Variants in NOS1AP observed in about 807,000 individuals in gnomAD.
NOS1AP encodes nitric oxide synthase 1 adaptor protein.
Under a neutral mutation model 56.2 loss-of-function variants are expected in NOS1AP, and 21 were observed. The observed-to-expected ratio is 0.37, with a 90% CI of 0.26 to 0.54. The LOEUF (loss-of-function observed/expected upper bound fraction) is 0.54, where lower values mean the gene tolerates loss of function less well. Ranked by LOEUF, NOS1AP falls within the 20% of genes least tolerant of loss-of-function variation. The probability of loss-of-function intolerance (pLI) is 0.84; values close to 1 mark genes in which losing one functional copy is unlikely to be tolerated. For synonymous variants in NOS1AP, 270 were observed against 274.6 expected (o/e 0.98, Z 0.17); for missense variants, 522 against 657.8 (o/e 0.79, Z 2.26).
rs1469010470 is a variant in NOS1AP at position 162,301,359 on chromosome 1, A to G, written c.344+653A>G. Reference sequence around the variant, plus strand: ...AGCCCCATGGTGATGTCCTTCCCCTATGGGAAGACACAGCTAGAAGGTGGG... The same window carrying G: ...AGCCCCATGGTGATGTCCTTCCCCTGTGGGAAGACACAGCTAGAAGGTGGG... On this transcript the variant is annotated intron_variant, in intron 4 of 9. Coordinates refer to ENST00000361897, the MANE Select transcript of NOS1AP (RefSeq NM_014697.3). 7.2e-5 allele frequency among the ~76,000 whole-genome samples: 11 copies of G among 152,194 alleles called. 1 individual carries two copies. Among genetic ancestry groups the G allele is most frequent in the Admixed American group, 5.9e-4 (9 of 15,284 alleles).
intron 1 of NOS1AP, among the ~76,000 whole-genome samples, chr1:162,114,430 CTGAT>C (rs1397135066): frequency 1.3e-5 from 2 of 152,100 alleles, no homozygotes; most frequent in Non-Finnish European, 2.9e-5. Flanking sequence ...GGCCTTTTGA[CTGAT>C]TGAATCAGGC....
intron 2 of NOS1AP, among the ~76,000 whole-genome samples, chr1:162,196,753 A>G (rs1195504178): frequency 6.6e-6 from 1 of 152,242 alleles, no homozygotes; most frequent in Non-Finnish European, 1.5e-5. Flanking sequence ...TATTATAAAT[A>G]TTTAAATAAT....
At chr1:162,095,961 T>C (rs1166481390) in intron 1 of NOS1AP, among the ~76,000 whole-genome samples, 1 of 152,244 alleles carries the variant, frequency 6.6e-6, no homozygotes, top group Non-Finnish European at 1.5e-5. Flanking sequence ...GAGCTTGCTT[T>C]TGCTCTCCTC....
intron 1 of NOS1AP, among the ~76,000 whole-genome samples, chr1:162,115,358 T>C (rs925684014): frequency 1.3e-5 from 2 of 152,064 alleles, no homozygotes; most frequent in Non-Finnish European, 2.9e-5. Context: ...TATGTGATGA[T>C]GGGTAAATTA....
chr1:162,356,925 C>T, intron 7 of NOS1AP, 35 bp from the exon 8 acceptor site: 1 of 1,613,762 alleles, frequency 6.2e-7, no homozygotes, highest in Non-Finnish European at 8.5e-7. Flanking sequence ...TGGCTCCTGC[C>T]ACATGTCATG....
chr1:162,256,267 G>C (rs776681609), intron 2 of NOS1AP, among the ~76,000 whole-genome samples: 1 of 152,204 alleles, frequency 6.6e-6, no homozygotes, highest in Non-Finnish European at 1.5e-5. Context: ...CATTATTACA[G>C]AGTGTCTGAA....
intron 4 of NOS1AP, among the ~76,000 whole-genome samples, chr1:162,315,394 C>T (rs990577983): frequency 6.6e-6 from 1 of 152,214 alleles, no homozygotes; most frequent in Non-Finnish European, 1.5e-5. Flanking sequence ...AGTGCCCTGT[C>T]CTCTGGCCTG....
chr1:162,273,160 C>CTTTTTTT lies in NOS1AP; in HGVS notation c.178-14169_178-14163dup, dbSNP rs11429407. Among the ~76,000 whole-genome samples, 29 of 106,196 alleles carry CTTTTTTT rather than the reference C, an allele frequency of 2.7e-4. 3 individuals carry two copies. Among genetic ancestry groups the CTTTTTTT allele is most frequent in the Non-Finnish European group, 4.4e-4 (25 of 56,782 alleles). The allele number at this position is 106,196 out of a possible 152,430, so 69.7% of individuals were successfully genotyped here. On this transcript the variant is annotated intron_variant, in intron 2 of 9. Coordinates refer to ENST00000361897, the MANE Select transcript of NOS1AP (RefSeq NM_014697.3). ...CAGGACAACTCTGGAAGCCCTTGTTCTTTTTTTTTTTTTTTTTTTTTGAGA... is the reference window on the plus strand; with the variant it reads ...CAGGACAACTCTGGAAGCCCTTGTTCTTTTTTTTTTTTTTTTTTTTTTTTTTTTGAGA...
At chr1:162,208,704 T>A (rs552939745) in intron 2 of NOS1AP, among the ~76,000 whole-genome samples, 1 of 152,180 alleles carries the variant, frequency 6.6e-6, no homozygotes, top group East Asian at 1.9e-4. Context: ...CTGAGAACCA[T>A]TGATTAATTG....
At chr1:162,181,149 CA>C (rs1651243765) in intron 2 of NOS1AP, among the ~76,000 whole-genome samples, 1 of 152,138 alleles carries the variant, frequency 6.6e-6, no homozygotes, top group Non-Finnish European at 1.5e-5. Context: ...ACTTAACAGA[CA>C]AAAGAGGACT....
chr1:162,283,646 G>A (rs146197442), intron 2 of NOS1AP, among the ~76,000 whole-genome samples: 33 of 152,244 alleles, frequency 2.2e-4, no homozygotes, highest in African/African-American at 6.7e-4. Flanking sequence ...TGACTGGCAC[G>A]GCACATTAAG....
At chr1:162,242,421 C>A (rs1289466059) in intron 2 of NOS1AP, among the ~76,000 whole-genome samples, 1 of 152,194 alleles carries the variant, frequency 6.6e-6, no homozygotes, top group Non-Finnish European at 1.5e-5. Flanking sequence ...AGAAAGAAGT[C>A]CAACTAGCCT....
At position 162,318,342 on chromosome 1, in the gene NOS1AP, T is replaced by C. The variant is rs1229584778; in HGVS notation, c.345-14675T>C. Among the ~76,000 whole-genome samples, 3 of 152,194 alleles carry C rather than the reference T, an allele frequency of 2.0e-5. No homozygotes were observed. The East Asian group carries it at 5.8e-4, about 29-fold the overall frequency. ...CCATTCACTTTTCAGCTCATTTTAATTGGGCTTCCTGAGCTACTCTACTGA... is the reference window on the plus strand; with the variant it reads ...CCATTCACTTTTCAGCTCATTTTAACTGGGCTTCCTGAGCTACTCTACTGA... On this transcript the variant is annotated intron_variant, in intron 4 of 9. Coordinates refer to ENST00000361897, the MANE Select transcript of NOS1AP (RefSeq NM_014697.3).
In NOS1AP at chr1:162,315,589, A is replaced by G. The variant is rs78096198; in HGVS notation, c.344+14883A>G. ...GAGGGTTAAGCACAGAATTTGGGAA[A>G]GATGGAGTGGAAAAAGCTGGGTTAT... On this transcript the variant is annotated intron_variant, in intron 4 of 9. Transcript: ENST00000361897. Among the ~76,000 whole-genome samples the G allele has an allele frequency of 3.4e-3, 514 of 152,322 alleles. 3 individuals carry two copies. Among genetic ancestry groups the G allele is most frequent in the African/African-American group, 0.012 (490 of 41,572 alleles).
At chr1:162,131,519 G>T (rs1648745926) in intron 1 of NOS1AP, among the ~76,000 whole-genome samples, 1 of 151,648 alleles carries the variant, frequency 6.6e-6, no homozygotes, top group South Asian at 2.1e-4. Flanking sequence ...TGTGGGCCAG[G>T]AATAGTTAAG....
At chr1:162,303,904 C>CTTTTTTTTTTTTTTTTTTTTTT (rs35658165) in intron 4 of NOS1AP, among the ~76,000 whole-genome samples, 3 of 110,724 alleles carry the variant, frequency 2.7e-5, no homozygotes, top group Non-Finnish European at 5.5e-5. Context: ...TCTGGCTTGT[C>CTTTTTTTTTTTTTTTTTTTTTT]TTTTTTTTTT....
rs550702214 is a variant in NOS1AP at position 162,227,248 on chromosome 1, C to T, written c.178-60096C>T. 3.9e-5 allele frequency among the ~76,000 whole-genome samples: 6 copies of T among 152,252 alleles called. No homozygotes were observed. The South Asian group carries it at 1.2e-3, about 32-fold the overall frequency. ...TATACAAAAACATAAATTTTTCACA[C>T]ATATGAGCATTTTTAGTATTTAAGA... On this transcript the variant is annotated intron_variant, in intron 2 of 9. Transcript: ENST00000361897.
chr1:162,246,480 T>C (rs1324084765), intron 2 of NOS1AP, among the ~76,000 whole-genome samples: 2 of 152,210 alleles, frequency 1.3e-5, no homozygotes, highest in East Asian at 1.9e-4. Context: ...CTGGCTGTTA[T>C]GGTGTGAGTG....
At chr1:162,111,157 G>A (rs1240747806) in intron 1 of NOS1AP, among the ~76,000 whole-genome samples, 4 of 152,220 alleles carry the variant, frequency 2.6e-5, no homozygotes, top group African/African-American at 4.8e-5. Context: ...AGTGTCTGGA[G>A]TATAAGACTA....
Sources: allele counts gnomAD v4.1 joint callset (sites outside exome capture counted in the v4.1 genomes callset), GRCh38; gene constraint gnomAD v4.1.1; transcripts MANE v1.5; gene names NCBI Gene and HGNC (gene_info 2026-07-23, HGNC 2026-07-21).